GALNT10: variants seen among roughly 807,000 people sequenced by gnomAD.
The protein encoded by GALNT10 is GalNAc transferase 10.
Under a neutral mutation model 75.0 loss-of-function variants are expected in GALNT10, and 41 were observed. That is an observed-to-expected ratio of 0.55 (90% confidence interval 0.43 to 0.71). The LOEUF (loss-of-function observed/expected upper bound fraction) is 0.71. GALNT10 is among the 30% of genes least tolerant of loss of function. The probability of loss-of-function intolerance (pLI) is 0.00; values close to 1 mark genes in which losing one functional copy is unlikely to be tolerated. For synonymous variants in GALNT10, 302 were observed against 313.0 expected (o/e 0.96, Z 0.37); for missense variants, 727 against 818.5 (o/e 0.89, Z 1.36).
At chr5:154,331,433 A>G (rs1351159111) in intron 4 of GALNT10, among the ~76,000 whole-genome samples, 1 of 152,118 alleles carries the variant, frequency 6.6e-6, no homozygotes, top group East Asian at 1.9e-4. Context: ...GCTACATACT[A>G]TCTCTGTGAC....
chr5:154,308,252 G>T (rs1174351206), intron 3 of GALNT10, among the ~76,000 whole-genome samples: 1 of 151,964 alleles, frequency 6.6e-6, no homozygotes, highest in Non-Finnish European at 1.5e-5. Flanking sequence ...CAGATAAAAT[G>T]GTGGGGAATC....
At chr5:154,398,534 T>C (rs967760616) in intron 7 of GALNT10, among the ~76,000 whole-genome samples, 50 of 152,114 alleles carry the variant, frequency 3.3e-4, no homozygotes, top group African/African-American at 1.2e-3. Flanking sequence ...CCCAACAGAG[T>C]ATGTCTGGGC....
At chr5:154,367,655 C>A (rs1755496981) in intron 4 of GALNT10, among the ~76,000 whole-genome samples, 1 of 152,088 alleles carries the variant, frequency 6.6e-6, no homozygotes, top group African/African-American at 2.4e-5. Context: ...GAGATCAAGA[C>A]CATCCTGGCT....
chr5:154,223,805 A>G (rs1355395487), intron 1 of GALNT10, among the ~76,000 whole-genome samples: 1 of 152,100 alleles, frequency 6.6e-6, no homozygotes, highest in Non-Finnish European at 1.5e-5. Context: ...CTGTCATCCC[A>G]GCTACTCAGG....
At chr5:154,327,933 A>C (rs978219831) in intron 3 of GALNT10, among the ~76,000 whole-genome samples, 1 of 152,214 alleles carries the variant, frequency 6.6e-6, no homozygotes, top group Non-Finnish European at 1.5e-5. Context: ...GGTCAAGCTT[A>C]TAGATCTAAC....
At chr5:154,239,300 G>C (rs1226659171) in intron 1 of GALNT10, among the ~76,000 whole-genome samples, 1 of 152,188 alleles carries the variant, frequency 6.6e-6, no homozygotes, top group Admixed American at 6.5e-5. Flanking sequence ...GCACAGTTCA[G>C]GGTCATCACC....
intron 1 of GALNT10, among the ~76,000 whole-genome samples, chr5:154,283,030 T>C (rs1276431748): frequency 1.3e-5 from 2 of 152,080 alleles, no homozygotes. Context: ...ATGATTCCTG[T>C]GGGAGCATCT....
In GALNT10 at chr5:154,418,883, G is replaced by GC. The variant is rs1319938900; in HGVS notation, c.*1915dup. 6.6e-5 allele frequency: 10 copies of GC among 152,482 alleles called. No individual in the cohort carries two copies. The highest frequency in any genetic ancestry group is 2.2e-4 in the African/African-American group (9 of 41,420). 9.4% of individuals were successfully genotyped at this position (152,482 alleles called of 1,614,324 possible). Reference sequence around the variant, plus strand: ...CTATAGAAAGAAGTCAAAAGATGAGGCCCCTTCTAGAATCTAGGATAACAA... The same window carrying GC: ...CTATAGAAAGAAGTCAAAAGATGAGGCCCCCTTCTAGAATCTAGGATAACAA... On this transcript the variant is annotated 3_prime_UTR_variant, in exon 12 of 12. Coordinates refer to ENST00000297107, the MANE Select transcript of GALNT10 (RefSeq NM_198321.4).
intron 4 of GALNT10, among the ~76,000 whole-genome samples, chr5:154,348,902 C>G (rs556082641): frequency 6.6e-6 from 1 of 152,292 alleles, no homozygotes; most frequent in Admixed American, 6.5e-5. Context: ...CTTGTCACCT[C>G]CAGTGTGTCT....
At chr5:154,211,610 T>C (rs1482098941) in intron 1 of GALNT10, among the ~76,000 whole-genome samples, 2 of 152,128 alleles carry the variant, frequency 1.3e-5, no homozygotes, top group African/African-American at 4.8e-5. Context: ...TATCTTAAAG[T>C]TTCTGTGGGT....
chr5:154,341,573 C>T (rs1755032655), intron 4 of GALNT10, among the ~76,000 whole-genome samples: 1 of 152,144 alleles, frequency 6.6e-6, no homozygotes, highest in East Asian at 1.9e-4. Context: ...TAACCTCACT[C>T]CAGGCTCTGT....
At chr5:154,381,037 G>A (rs1755726051) in intron 6 of GALNT10, among the ~76,000 whole-genome samples, 2 of 152,196 alleles carry the variant, frequency 1.3e-5, no homozygotes, top group South Asian at 2.1e-4. Flanking sequence ...TATTATCCAT[G>A]TTTTCCAAAT....
At position 154,352,935 on chromosome 5, in the gene GALNT10, T is replaced by C. The variant is rs2113145808; in HGVS notation, c.568+23197T>C. Reference sequence around the variant, plus strand: ...ACATAGAATGCAATTTCCTTCTGTCTCAAGCTCTGTGTCATCCGAAGGTGA... The same window carrying C: ...ACATAGAATGCAATTTCCTTCTGTCCCAAGCTCTGTGTCATCCGAAGGTGA... On this transcript the variant is annotated intron_variant, in intron 4 of 11. Transcript: ENST00000297107. This position sits in a 1 kb window ranked among gnomAD's most constrained non-coding sequence, Gnocchi z 4.4. 6.6e-6 allele frequency among the ~76,000 whole-genome samples: 1 copy of C among 152,266 alleles called. No individual in the cohort carries two copies. The highest frequency in any genetic ancestry group is 1.9e-4 in the East Asian group (1 of 5,174).
At chr5:154,237,765 G>C (rs902006750) in intron 1 of GALNT10, among the ~76,000 whole-genome samples, 1 of 152,174 alleles carries the variant, frequency 6.6e-6, no homozygotes, top group South Asian at 2.1e-4. Flanking sequence ...GGTTTGGGGA[G>C]CAAGATTACA....
chr5:154,333,383 C>T (rs1754896069), intron 4 of GALNT10, among the ~76,000 whole-genome samples: 1 of 152,174 alleles, frequency 6.6e-6, no homozygotes, highest in Non-Finnish European at 1.5e-5. Context: ...ACACGTTATT[C>T]CTTTCTATTT....
At chr5:154,226,835 T>G (rs1753070608) in intron 1 of GALNT10, among the ~76,000 whole-genome samples, 1 of 152,088 alleles carries the variant, frequency 6.6e-6, no homozygotes, top group African/African-American at 2.4e-5. Flanking sequence ...AACCTCTCCC[T>G]CCTGTCCCTC....
rs1266753095 is a variant in GALNT10, at chr5:154,404,180, A to G, written c.1133A>G (p.Tyr378Cys). 1 of 1,609,790 alleles carries G rather than the reference A, an allele frequency of 6.2e-7. No homozygotes were observed. Among genetic ancestry groups the G allele is most frequent in the South Asian group, 1.1e-5 (1 of 90,542 alleles). The change falls in exon 8 of 12, where the codon TAC (tyrosine) becomes TGC (cysteine). Residue 378 changes from tyrosine (Y) to cysteine (C), a missense_variant. By Grantham distance (194) the Tyr-to-Cys change is radical (BLOSUM62 -2). Transcript: ENST00000297107. ...CATATCTACAGGAAGTATGTGCCCTACAAGGTCCCGGCCGGAGTCAGCCTG... is the reference window on the plus strand; with the variant it reads ...CATATCTACAGGAAGTATGTGCCCTGCAAGGTCCCGGCCGGAGTCAGCCTG... ...VGHIYRKYVPYKVPAGVSLAR... is the reference protein window; with the variant it reads ...VGHIYRKYVPCKVPAGVSLAR...
At position 154,330,908 on chromosome 5, in the gene GALNT10, G is replaced by GGTGTGTGTGTGTGTGTGT. The variant is rs370103391; in HGVS notation, c.568+1183_568+1200dup. Among the ~76,000 whole-genome samples the GGTGTGTGTGTGTGTGTGT allele has an allele frequency of 9.6e-3, 1,204 of 125,952 alleles. 17 individuals are homozygous for GGTGTGTGTGTGTGTGTGT. The East Asian group carries it at 0.11, about 11-fold the overall frequency. The allele number at this position is 125,952 out of a possible 152,430, so 82.6% of individuals were successfully genotyped here. A position where few individuals can be genotyped will look rare whatever the true frequency, so the allele number is the denominator to read the frequency against. Reference sequence around the variant, plus strand: ...ACAGAGGCCTCAGAGAGACAGAGAGGGTGTGTGTGTGTGTGTGTGTGTGTG... The same window carrying GGTGTGTGTGTGTGTGTGT: ...ACAGAGGCCTCAGAGAGACAGAGAGGGTGTGTGTGTGTGTGTGTGTGTGTGTGTGTGTGTGTGTGTGTG... On this transcript the variant is annotated intron_variant, in intron 4 of 11. Transcript: ENST00000297107.
intron 4 of GALNT10, among the ~76,000 whole-genome samples, chr5:154,345,319 T>A (rs1308708639): frequency 6.6e-6 from 1 of 152,182 alleles, no homozygotes; most frequent in African/African-American, 2.4e-5. Context: ...ATATTTAAGA[T>A]CTATTCTTTT....
Sources: allele counts gnomAD v4.1 joint callset (sites outside exome capture counted in the v4.1 genomes callset), GRCh38; gene constraint gnomAD v4.1.1; non-coding constraint Gnocchi (gnomAD v3.1); transcripts MANE v1.5; gene names NCBI Gene and HGNC (gene_info 2026-07-23, HGNC 2026-07-21).